The following MAP2 variants were observed in gnomAD, a reference collection of about 807,000 sequenced individuals.
The protein encoded by MAP2 is microtubule associated protein 2.
A neutral mutation model predicts 137.6 loss-of-function variants in MAP2; 14 were observed. That is an observed-to-expected ratio of 0.10 (90% CI 0.07 to 0.16). The LOEUF is 0.16. MAP2 is among the 10% of genes least tolerant of loss of function. The pLI, the probability that MAP2 is intolerant of heterozygous loss-of-function variation, is 1.00. For synonymous variants in MAP2, 786 were observed against 782.3 expected (o/e 1.00, Z -0.08); for missense variants, 2,088 against 2,191.5 (o/e 0.95, Z 0.94).
At chr2:209,704,155 A>G (rs1357365285) in intron 11 of MAP2, 1 of 423,830 alleles carries the variant, frequency 2.4e-6, no homozygotes, top group African/African-American at 2.0e-5. Flanking sequence ...TATTGTTGCC[A>G]TCTTTATGTC....
chr2:209,678,654 A>T lies in MAP2; in HGVS notation c.345A>T (p.Gln115His). ...AAGGTGAACAAGAGAAAGAAGCTCAACATAAAGACCAGACTGCAGCTCTGC... is the reference window on the plus strand; with the variant it reads ...AAGGTGAACAAGAGAAAGAAGCTCATCATAAAGACCAGACTGCAGCTCTGC... ...VLKGEQEKEA[Q>H]HKDQTAALPL... Residue 115 changes from glutamine to histidine, a missense_variant, in exon 6 of 16, where the codon CAA becomes CAT. Gln to His is a conservative substitution (Grantham distance 24). Around this residue, in one of 6 missense-constraint regions of MAP2, gnomAD observed 859 missense variants for 794.5 expected, o/e 1.08. Coordinates refer to ENST00000682079, the MANE Select transcript of MAP2 (RefSeq NM_001375505.1). The T allele has an allele frequency of 5.6e-6, 9 of 1,604,902 alleles. No homozygotes were observed. Among genetic ancestry groups the T allele is most frequent in the Non-Finnish European group, 7.7e-6 (9 of 1,175,202 alleles).
At chr2:209,659,356 G>T (rs1402852453) in intron 5 of MAP2, among the ~76,000 whole-genome samples, 1 of 152,104 alleles carries the variant, frequency 6.6e-6, no homozygotes, top group Admixed American at 6.6e-5. Flanking sequence ...AGTTGTGGAT[G>T]ATGTGATTGA....
chr2:209,544,175 G>C (rs1457110303), intron 2 of MAP2, among the ~76,000 whole-genome samples: 1 of 152,002 alleles, frequency 6.6e-6, no homozygotes, highest in Non-Finnish European at 1.5e-5. Flanking sequence ...GGAGCTTGTA[G>C]TGAGCTGAGA....
At chr2:209,441,524 T>C (rs1451169158) in intron 1 of MAP2, among the ~76,000 whole-genome samples, 2 of 151,622 alleles carry the variant, frequency 1.3e-5, no homozygotes, top group East Asian at 3.9e-4. Context: ...TTTATTGTAC[T>C]GCTTTTCGAA....
At chr2:209,566,219 C>G (rs1239399887) in intron 2 of MAP2, among the ~76,000 whole-genome samples, 1 of 152,170 alleles carries the variant, frequency 6.6e-6, no homozygotes, top group Non-Finnish European at 1.5e-5. Flanking sequence ...GACCAACCAT[C>G]CTAATTAATA....
At position 209,678,668 on chromosome 2, in the gene MAP2, C is replaced by A. The variant is rs1484973858; in HGVS notation, c.359C>A (p.Thr120Asn). Residue 120 changes from threonine to asparagine, a missense_variant, in exon 6 of 16, where the codon ACT becomes AAT. By Grantham distance (65) the Thr-to-Asn change is moderately conservative (BLOSUM62 0). Coordinates refer to ENST00000682079, the MANE Select transcript of MAP2 (RefSeq NM_001375505.1). ...QEKEAQHKDQTAALPLAAEET... is the reference protein window; with the variant it reads ...QEKEAQHKDQNAALPLAAEET... ...AAAGAAGCTCAACATAAAGACCAGA[C>A]TGCAGCTCTGCCTTTAGGTAAATAA... 1.9e-6 allele frequency: 3 copies of A among 1,599,732 alleles called. No individual in the cohort carries two copies. Among genetic ancestry groups the A allele is most frequent in the Admixed American group, 3.4e-5 (2 of 58,368 alleles).
intron 3 of MAP2, among the ~76,000 whole-genome samples, chr2:209,606,918 T>A (rs1474575789): frequency 6.6e-6 from 1 of 152,220 alleles, no homozygotes. Context: ...ATTAATGATA[T>A]TAAATATATC....
chr2:209,517,714 A>C (rs1481088472), intron 2 of MAP2, among the ~76,000 whole-genome samples: 1 of 152,046 alleles, frequency 6.6e-6, no homozygotes, highest in Non-Finnish European at 1.5e-5. Context: ...TAGAAATCCT[A>C]GTCATTAGCT....
intron 3 of MAP2, among the ~76,000 whole-genome samples, chr2:209,589,344 C>G (rs2078631402): frequency 6.6e-6 from 1 of 152,170 alleles, no homozygotes; most frequent in Non-Finnish European, 1.5e-5. Flanking sequence ...AGTCAATGCA[C>G]TAGAAAATGG....
chr2:209,516,569 A>G (rs548079665), intron 2 of MAP2, among the ~76,000 whole-genome samples: 1 of 152,298 alleles, frequency 6.6e-6, no homozygotes, highest in African/African-American at 2.4e-5. Context: ...CCGAAAATAA[A>G]GGTATAGGAA....
intron 2 of MAP2, among the ~76,000 whole-genome samples, chr2:209,574,581 C>T (rs1036488210): frequency 3.3e-5 from 5 of 152,142 alleles, no homozygotes; most frequent in African/African-American, 4.8e-5. Flanking sequence ...GTACAACTCA[C>T]GCTACCCAAT....
intron 2 of MAP2, among the ~76,000 whole-genome samples, chr2:209,547,898 C>G (rs41493552): frequency 0.027 from 4,110 of 152,174 alleles, 190 homozygotes; most frequent in African/African-American, 0.094. Context: ...TTTGATGCTA[C>G]AATACAGTCA....
chr2:209,426,886 A>C (rs1692708180), intron 1 of MAP2, among the ~76,000 whole-genome samples: 1 of 152,204 alleles, frequency 6.6e-6, no homozygotes, highest in South Asian at 2.1e-4. Context: ...AAATTTTCTA[A>C]ACATCAGAAG....
In MAP2 at chr2:209,544,920, T is replaced by G. The variant is rs1168783404; in HGVS notation, c.-171-35116T>G. The stretch of plus-strand genomic sequence containing the variant: ...CCAGTGTCTAGATTGCATCAGCCTT[T>G]GTAAAACCTGAATATTCTTCTTCTG... On this transcript the variant is annotated intron_variant, in intron 2 of 15. Coordinates refer to ENST00000682079, the MANE Select transcript of MAP2 (RefSeq NM_001375505.1). Among the ~76,000 whole-genome samples, 7 of 152,248 alleles carry G rather than the reference T, an allele frequency of 4.6e-5. No individual in the cohort carries two copies. In the East Asian group the frequency reaches 1.3e-3, roughly 29 times the overall value.
intron 2 of MAP2, among the ~76,000 whole-genome samples, chr2:209,561,884 G>T (rs1317208599): frequency 6.6e-6 from 1 of 152,162 alleles, no homozygotes; most frequent in Non-Finnish European, 1.5e-5. Context: ...GAAGCACTCA[G>T]CATGGCCAGG....
intron 1 of MAP2, among the ~76,000 whole-genome samples, chr2:209,426,757 T>C (rs188844128): frequency 3.9e-5 from 6 of 152,332 alleles, no homozygotes; most frequent in Middle Eastern, 3.4e-3. Flanking sequence ...ATGTATTCCT[T>C]TTCAGGGATC....
intron 5 of MAP2, among the ~76,000 whole-genome samples, chr2:209,676,733 A>ATATATC (rs1257842128): frequency 2.6e-5 from 1 of 39,136 alleles, no homozygotes; most frequent in African/African-American, 7.4e-5. Context: ...ATATATATAT[A>ATATATC]TATATATATA....
chr2:209,441,273 A>G (rs762396792), intron 1 of MAP2, among the ~76,000 whole-genome samples: 1 of 151,644 alleles, frequency 6.6e-6, no homozygotes, highest in Non-Finnish European at 1.5e-5. Context: ...AAAGGCAACA[A>G]GGTTGTTTTT....
chr2:209,538,990 T>C (rs1379925070), intron 2 of MAP2, among the ~76,000 whole-genome samples: 2 of 152,196 alleles, frequency 1.3e-5, no homozygotes, highest in Non-Finnish European at 2.9e-5. Flanking sequence ...ACTAATACAG[T>C]AACTGGTTTT....
Sources: gnomAD v4.1 joint callset for allele counts (sites outside exome capture counted in the v4.1 genomes callset) on GRCh38, gnomAD v4.1.1 for gene constraint, gnomAD v4.1.1 regional missense constraint, MANE v1.5 for transcripts, NCBI Gene and HGNC (gene_info 2026-07-23, HGNC 2026-07-21) for gene names.